Variants in SYT14 observed in about 807,000 individuals in gnomAD.
The protein encoded by SYT14 is synaptotagmin 14.
SYT14 carries 32 observed loss-of-function variants against 74.2 expected under a neutral mutation model. That is an observed-to-expected ratio of 0.43 (90% CI 0.33 to 0.58). SYT14 has a LOEUF of 0.58. SYT14 is among the 20% of genes least tolerant of loss of function. The pLI is 0.05. For synonymous variants in SYT14, 298 were observed against 337.7 expected (o/e 0.88, Z 1.29); for missense variants, 791 against 981.8 (o/e 0.81, Z 2.60).
intron 7 of SYT14, 59 bp from the exon 7 acceptor site, chr1:210,155,662 T>C (rs1325577610): frequency 6.4e-7 from 1 of 1,568,876 alleles, no homozygotes; most frequent in Non-Finnish European, 8.7e-7. Context: ...GGCATAACAA[T>C]ATATCTCTTA....
intron 2 of SYT14, among the ~76,000 whole-genome samples, chr1:209,957,052 G>A (rs2079004521): frequency 6.6e-6 from 1 of 151,788 alleles, no homozygotes; most frequent in Non-Finnish European, 1.5e-5. Flanking sequence ...ACCCTGTTAA[G>A]TTATGCTTGA....
intron 5 of SYT14, among the ~76,000 whole-genome samples, chr1:210,039,658 A>G (rs1290416317): frequency 6.6e-6 from 1 of 152,196 alleles, no homozygotes; most frequent in Admixed American, 6.5e-5. Flanking sequence ...TAATATCCAG[A>G]ATCTACAAAG....
intron 7 of SYT14, among the ~76,000 whole-genome samples, chr1:210,128,082 G>C (rs2082603192): frequency 6.6e-6 from 1 of 152,018 alleles, no homozygotes; most frequent in Admixed American, 6.6e-5. Context: ...TTTCAAGGTA[G>C]ATTTTTAAGG....
chr1:210,060,682 T>C (rs1454057512), intron 5 of SYT14, among the ~76,000 whole-genome samples: 1 of 152,050 alleles, frequency 6.6e-6, no homozygotes, highest in African/African-American at 2.4e-5. Context: ...GGAAAAAATA[T>C]ATATATTCAA....
At chr1:210,125,474 C>T (rs1314806902) in intron 7 of SYT14, among the ~76,000 whole-genome samples, 2 of 152,054 alleles carry the variant, frequency 1.3e-5, no homozygotes, top group Non-Finnish European at 2.9e-5. Context: ...TTGCAATGGC[C>T]GTGAAGACTT....
At chr1:210,109,471 G>A (rs766196819) in intron 7 of SYT14, among the ~76,000 whole-genome samples, 1 of 151,888 alleles carries the variant, frequency 6.6e-6, no homozygotes, top group African/African-American at 2.4e-5. Context: ...CCAGCTATTC[G>A]GGACGCTGAG....
At chr1:210,121,373 A>G (rs1188720526) in intron 7 of SYT14, among the ~76,000 whole-genome samples, 1 of 152,248 alleles carries the variant, frequency 6.6e-6, no homozygotes. Flanking sequence ...CAGAAGGGAC[A>G]TACCAAGCTG....
chr1:209,963,370 T>C (rs1284824100), intron 2 of SYT14, among the ~76,000 whole-genome samples: 1 of 152,188 alleles, frequency 6.6e-6, no homozygotes, highest in Non-Finnish European at 1.5e-5. Flanking sequence ...TTTAGATTTC[T>C]CTCTCCTAAG....
intron 2 of SYT14, among the ~76,000 whole-genome samples, chr1:209,993,106 GT>G (rs2079723105): frequency 6.6e-6 from 1 of 152,214 alleles, no homozygotes; most frequent in African/African-American, 2.4e-5. Flanking sequence ...GAGCCTGGGA[GT>G]TTTTGTGGGC....
chr1:210,050,686 A>G (rs558437581), intron 5 of SYT14, among the ~76,000 whole-genome samples: 9 of 152,296 alleles, frequency 5.9e-5, no homozygotes, highest in African/African-American at 2.2e-4. Flanking sequence ...AGAAGGTGAA[A>G]GGCACGTCTC....
At chr1:210,143,410 A>C (rs2082960942) in intron 7 of SYT14, among the ~76,000 whole-genome samples, 1 of 152,218 alleles carries the variant, frequency 6.6e-6, no homozygotes, top group African/African-American at 2.4e-5. Context: ...AATAGCAATT[A>C]CAATAGTTAC....
chr1:210,147,528 C>T (rs2102689048), intron 7 of SYT14, among the ~76,000 whole-genome samples: 1 of 152,282 alleles, frequency 6.6e-6, no homozygotes, highest in Middle Eastern at 3.4e-3. Flanking sequence ...TGACCAACAG[C>T]AGACTTCTCA....
At chr1:209,999,748 G>A (rs145084597) in intron 2 of SYT14, among the ~76,000 whole-genome samples, 13 of 152,146 alleles carry the variant, frequency 8.5e-5, no homozygotes, top group Non-Finnish European at 1.2e-4. Flanking sequence ...CAGAGGCTCA[G>A]AATGGTGTAT....
At chr1:210,080,019 G>C (rs1161495004) in intron 5 of SYT14, among the ~76,000 whole-genome samples, 1 of 152,144 alleles carries the variant, frequency 6.6e-6, no homozygotes, top group African/African-American at 2.4e-5. Context: ...TTTTAAAGGT[G>C]ATAAAATATA....
At chr1:210,015,043 AC>A (rs2080156049) in intron 3 of SYT14, among the ~76,000 whole-genome samples, 1 of 150,004 alleles carries the variant, frequency 6.7e-6, no homozygotes, top group African/African-American at 2.5e-5. Flanking sequence ...TTTTAAAAAA[AC>A]AAGACTATTA....
intron 6 of SYT14, among the ~76,000 whole-genome samples, chr1:210,098,689 T>G (rs1236770647): frequency 2.6e-5 from 4 of 151,830 alleles, no homozygotes; most frequent in Non-Finnish European, 4.4e-5. Flanking sequence ...GGACAGTGTT[T>G]TTTTTTTTTT....
chr1:210,094,699 GTAACTTA>G, intron 6 of SYT14, 106 bp downstream of exon 5: 1 of 1,245,328 alleles, frequency 8.0e-7, no homozygotes, highest in Non-Finnish European at 1.2e-6. Flanking sequence ...TTATTCCTTT[GTAACTTA>G]TAGTACCAGT....
intron 2 of SYT14, among the ~76,000 whole-genome samples, chr1:209,963,207 T>TA (rs1460947501): frequency 6.6e-6 from 1 of 152,140 alleles, no homozygotes; most frequent in East Asian, 1.9e-4. Context: ...AGGGTGTGTG[T>TA]AAAAAAGAAA....
intron 7 of SYT14, among the ~76,000 whole-genome samples, chr1:210,143,531 T>G (rs2082964843): frequency 1.3e-5 from 2 of 152,146 alleles, no homozygotes; most frequent in South Asian, 4.1e-4. Flanking sequence ...ATATATTATT[T>G]AGCGCTATAT....
Sources: gnomAD v4.1 joint callset for allele counts (sites outside exome capture counted in the v4.1 genomes callset) on GRCh38, gnomAD v4.1.1 for gene constraint, MANE v1.5 for transcripts, NCBI Gene and HGNC (gene_info 2026-07-23, HGNC 2026-07-21) for gene names.